POR: variants seen among roughly 807,000 people sequenced by gnomAD.
POR encodes the protein cytochrome p450 oxidoreductase, also known as NADPH--cytochrome P450 reductase.
A neutral mutation model predicts 84.0 loss-of-function variants in POR; 56 were observed. That is an observed-to-expected ratio of 0.67 (90% CI 0.54 to 0.83). POR has a LOEUF of 0.83. Ranked by LOEUF, POR falls within the 40% of genes least tolerant of loss-of-function variation. The probability of loss-of-function intolerance (pLI) is 0.00; values close to 1 mark genes in which losing one functional copy is unlikely to be tolerated. For missense variants in POR, 938 were observed against 944.3 expected, an observed-to-expected ratio of 0.99 and a Z score of 0.09; for synonymous variants, 414 against 400.5, an observed-to-expected ratio of 1.03 and a Z score of -0.40.
intron 1 of POR, among the ~76,000 whole-genome samples, chr7:75,939,558 T>A (rs965469040): frequency 3.3e-5 from 5 of 149,772 alleles, no homozygotes; most frequent in Non-Finnish European, 7.4e-5. Flanking sequence ...TTTTTTTTTT[T>A]AAATACAGAA....
intron 10 of POR, 59 bp from the exon 11 acceptor site, chr7:75,984,718 G>A (rs1378760350): frequency 3.3e-6 from 5 of 1,509,950 alleles, no homozygotes; most frequent in Non-Finnish European, 4.6e-6. Flanking sequence ...TCCTGCCGCA[G>A]CCACCCATCC....
chr7:75,949,951 C>T (rs560887976), intron 1 of POR, among the ~76,000 whole-genome samples: 24 of 152,152 alleles, frequency 1.6e-4, no homozygotes, highest in African/African-American at 3.4e-4. Context: ...CTCTGCCTTC[C>T]GGGTTCACAC....
chr7:75,961,700 G>A (rs1787949779), intron 2 of POR, among the ~76,000 whole-genome samples: 1 of 152,108 alleles, frequency 6.6e-6, no homozygotes, highest in Non-Finnish European at 1.5e-5. Flanking sequence ...ATTTCATCAG[G>A]AAATGTTTCA....
intron 2 of POR, among the ~76,000 whole-genome samples, chr7:75,966,073 G>A (rs1475730441): frequency 6.6e-6 from 1 of 152,176 alleles, no homozygotes; most frequent in South Asian, 2.1e-4. Context: ...GCCTTGTCAA[G>A]GTGGATAGAA....
At chr7:75,967,737 T>G (rs1554555486) in intron 2 of POR, 1 of 230,090 alleles carries the variant, frequency 4.3e-6, no homozygotes, top group Non-Finnish European at 9.3e-6. Flanking sequence ...TTGGAAAGGT[T>G]TTCTCCTTCC....
chr7:75,986,173 C>T lies in POR; in HGVS notation c.1830C>T (p.His610=), dbSNP rs782417739. The change falls in exon 15 of 16, where the codon CAC becomes CAT. Residue 610 remains histidine (H), a synonymous_variant. Coordinates refer to ENST00000461988, the MANE Select transcript of POR (RefSeq NM_000941.3). ...CTTGGCCCCAGGTCTACGTCCAGCA[C>T]CTGCTAAAGCAAGACCGAGAGCACC... 2 of 1,611,794 alleles carry T rather than the reference C, an allele frequency of 1.2e-6. No individual in the cohort carries two copies. The highest frequency in any genetic ancestry group is 1.7e-5 in the Admixed American group (1 of 59,870).
At chr7:75,916,616 G>T (rs892199547) in intron 1 of POR, among the ~76,000 whole-genome samples, 3 of 152,130 alleles carry the variant, frequency 2.0e-5, no homozygotes, top group Non-Finnish European at 2.9e-5. Context: ...AAAAGTATTT[G>T]TACAACATCC....
intron 1 of POR, among the ~76,000 whole-genome samples, chr7:75,923,763 C>T (rs2116221549): frequency 6.6e-6 from 1 of 152,156 alleles, no homozygotes; most frequent in Admixed American, 6.6e-5. Context: ...TGGCACACGC[C>T]TGTAATCCCA....
intron 1 of POR, among the ~76,000 whole-genome samples, chr7:75,928,538 C>T (rs1319142744): frequency 1.3e-5 from 2 of 152,170 alleles, no homozygotes; most frequent in African/African-American, 4.8e-5. Flanking sequence ...CAATCTTCTT[C>T]CCATCAGGAC....
chr7:75,973,229 GTTC>G (rs1237945380), intron 3 of POR, among the ~76,000 whole-genome samples: 1 of 152,082 alleles, frequency 6.6e-6, no homozygotes, highest in East Asian at 1.9e-4. Context: ...CATCCCCACT[GTTC>G]TTATTATTTA....
intron 3 of POR, among the ~76,000 whole-genome samples, chr7:75,979,088 C>CG (rs1278251969): frequency 6.6e-6 from 1 of 152,076 alleles, no homozygotes; most frequent in Non-Finnish European, 1.5e-5. Context: ...TGAGCCACCA[C>CG]GCCCGGCTGC....
rs372391161 is a variant in POR at position 75,986,515 on chromosome 7, G to C, written c.*34G>C. 1.0e-5 allele frequency: 16 copies of C among 1,596,810 alleles called. 2 individuals are homozygous for C. In the South Asian group the frequency reaches 1.7e-4, roughly 17 times the overall value. ...CTGCCCCACCCACCCCACAGACTCC[G>C]GCCTGTAATCAGCTCTCCTGGCTCC... On this transcript the variant is annotated 3_prime_UTR_variant, in exon 16 of 16. Transcript: ENST00000461988.
At chr7:75,982,545 C>CA (rs1328908419) in intron 8 of POR, among the ~76,000 whole-genome samples, 1 of 152,222 alleles carries the variant, frequency 6.6e-6, no homozygotes, top group African/African-American at 2.4e-5. Context: ...CTGCACTGCC[C>CA]AGGGCAGCGG....
intron 1 of POR, among the ~76,000 whole-genome samples, chr7:75,927,968 CTTTT>C (rs1243977285): frequency 2.2e-4 from 24 of 107,004 alleles, no homozygotes; most frequent in Middle Eastern, 0.013. Flanking sequence ...TCTCAGGTTT[CTTTT>C]TTTTTTTTTT....
chr7:75,973,079 TC>T (rs1788512783), intron 3 of POR, among the ~76,000 whole-genome samples: 1 of 152,130 alleles, frequency 6.6e-6, no homozygotes, highest in African/African-American at 2.4e-5. Flanking sequence ...CGCCTCAGCC[TC>T]CCAAAGTGCT....
At chr7:75,961,669 A>T (rs1192377486) in intron 2 of POR, among the ~76,000 whole-genome samples, 1 of 152,152 alleles carries the variant, frequency 6.6e-6, no homozygotes, top group Non-Finnish European at 1.5e-5. Flanking sequence ...GGATTATTTT[A>T]ATGCAATCCC....
intron 1 of POR, among the ~76,000 whole-genome samples, chr7:75,927,890 C>T (rs1186823186): frequency 1.3e-5 from 2 of 150,908 alleles, no homozygotes; most frequent in African/African-American, 4.9e-5. Context: ...AGACTGGTCT[C>T]GAACTCCTGA....
intron 1 of POR, among the ~76,000 whole-genome samples, chr7:75,930,679 C>T (rs1002300854): frequency 4.6e-5 from 7 of 151,964 alleles, no homozygotes; most frequent in Admixed American, 2.0e-4. Flanking sequence ...TGTGCCACCA[C>T]GCCCGTCTAA....
At chr7:75,971,721 C>A (rs1554556171) in intron 2 of POR, among the ~76,000 whole-genome samples, 1 of 152,072 alleles carries the variant, frequency 6.6e-6, no homozygotes, top group African/African-American at 2.4e-5. Flanking sequence ...GGGGAGCTGA[C>A]CCTTGCGCAG....
Sources: gnomAD v4.1 joint callset for allele counts (sites outside exome capture counted in the v4.1 genomes callset) on GRCh38, gnomAD v4.1.1 for gene constraint, MANE v1.5 for transcripts, NCBI Gene and HGNC (gene_info 2026-07-23, HGNC 2026-07-21) for gene names.